Variants in CHRNA5 observed in about 807,000 individuals in gnomAD.
The protein encoded by CHRNA5 is cholinergic receptor nicotinic alpha 5 subunit.
Under a neutral mutation model 41.2 loss-of-function variants are expected in CHRNA5, and 28 were observed. The observed-to-expected ratio is 0.68, with a 90% CI of 0.50 to 0.93. The LOEUF is 0.93. CHRNA5 is among the 40% of genes least tolerant of loss of function. The pLI, the probability that CHRNA5 is intolerant of heterozygous loss-of-function variation, is 0.00. For synonymous variants in CHRNA5, 188 were observed against 205.8 expected (o/e 0.91, Z 0.74); for missense variants, 481 against 581.9 (o/e 0.83, Z 1.78).
chr15:78,565,582 G>T (rs2052738126), exon 1 of CHRNA5: 2 of 225,148 alleles, frequency 8.9e-6, no homozygotes, highest in Non-Finnish European at 1.7e-5. Flanking sequence ...GGGAGCTGTG[G>T]CGCGGAGCGG....
chr15:78,569,255 A>G (rs2052777340), intron 1 of CHRNA5, among the ~76,000 whole-genome samples: 2 of 152,082 alleles, frequency 1.3e-5, no homozygotes, highest in Non-Finnish European at 2.9e-5. Flanking sequence ...TACAAATGAG[A>G]TCTAGCAAGT....
exon 1 of CHRNA5, chr15:78,565,711 C>G (rs1168958709): frequency 4.4e-6 from 5 of 1,137,938 alleles, no homozygotes; most frequent in East Asian, 4.2e-5. Flanking sequence ...CCCGCGCGGG[C>G]GCGGGGCGAT....
At chr15:78,568,627 TCC>T (rs1567049514) in intron 1 of CHRNA5, among the ~76,000 whole-genome samples, 1 of 152,102 alleles carries the variant, frequency 6.6e-6, no homozygotes, top group South Asian at 2.1e-4. Context: ...ATGCTCTCCC[TCC>T]CCTTGCCCCC....
intron 1 of CHRNA5, among the ~76,000 whole-genome samples, chr15:78,571,301 A>G (rs2052802669): frequency 6.6e-6 from 1 of 152,182 alleles, no homozygotes; most frequent in Non-Finnish European, 1.5e-5. Context: ...AGCTAAGAAA[A>G]CAAGCATTAT....
chr15:78,567,327 A>C (rs2052759960), intron 1 of CHRNA5, among the ~76,000 whole-genome samples: 1 of 152,120 alleles, frequency 6.6e-6, no homozygotes, highest in Non-Finnish European at 1.5e-5. Flanking sequence ...TTTGAGGATT[A>C]AATAATGCAT....
intron 1 of CHRNA5, among the ~76,000 whole-genome samples, chr15:78,570,424 ATTTTTTT>A (rs71148540): frequency 2.0e-4 from 13 of 64,172 alleles, no homozygotes; most frequent in East Asian, 8.0e-4. Flanking sequence ...AATCCCGGCT[ATTTTTTT>A]TTTTTTTTTT....
exon 6 of CHRNA5, chr15:78,594,603 G>C (rs1801261859): frequency 6.6e-6 from 1 of 152,284 alleles, no homozygotes; most frequent in African/African-American, 2.4e-5. Flanking sequence ...GCTTGAACCT[G>C]GGAGGTGGAG....
chr15:78,570,253 GTTTA>G (rs1008130403), intron 1 of CHRNA5, among the ~76,000 whole-genome samples: 33 of 151,712 alleles, frequency 2.2e-4, no homozygotes, highest in Admixed American at 9.2e-4. Context: ...TTGTCCTACT[GTTTA>G]TTTATTTATT....
intron 1 of CHRNA5, among the ~76,000 whole-genome samples, chr15:78,575,000 A>T (rs1430674646): frequency 6.6e-6 from 1 of 151,836 alleles, no homozygotes; most frequent in Non-Finnish European, 1.5e-5. Context: ...GAAAGGAAAA[A>T]AATTGTGGCT....
At chr15:78,579,834 C>G (rs2052894378) in intron 1 of CHRNA5, among the ~76,000 whole-genome samples, 1 of 152,176 alleles carries the variant, frequency 6.6e-6, no homozygotes, top group African/African-American at 2.4e-5. Flanking sequence ...CTTCATTTAG[C>G]TTCCAGGACA....
chr15:78,590,224 A>C (rs371342198), exon 5 of CHRNA5: 5 of 1,614,002 alleles, frequency 3.1e-6, no homozygotes, highest in East Asian at 2.2e-5. Context: ...CCTTCAAATG[A>C]AGGTGAAAAG....
intron 2 of CHRNA5, 22 bp from the exon 3 acceptor site, chr15:78,586,619 CTTAT>C: frequency 7.5e-7 from 1 of 1,331,236 alleles, no homozygotes; most frequent in Non-Finnish European, 1.1e-6. Context: ...TGAAATCAAT[CTTAT>C]TTAAATTTTT....
At chr15:78,570,062 T>G (rs755965373) in intron 1 of CHRNA5, among the ~76,000 whole-genome samples, 22 of 149,468 alleles carry the variant, frequency 1.5e-4, no homozygotes, top group Non-Finnish European at 2.7e-4. Context: ...CCTCAGGTGA[T>G]CCGCCTGCCT....
intron 1 of CHRNA5, among the ~76,000 whole-genome samples, chr15:78,573,084 G>A (rs1310399104): frequency 1.3e-5 from 2 of 152,306 alleles, no homozygotes; most frequent in East Asian, 1.9e-4. Flanking sequence ...ACAGTGGTTT[G>A]CAAGAAGGGT....
intron 4 of CHRNA5, chr15:78,589,564 AT>A: frequency 4.9e-6 from 2 of 408,214 alleles, no homozygotes; most frequent in South Asian, 1.2e-4. Flanking sequence ...TTCTGTGAAA[AT>A]TTGTCAGTTC....
At chr15:78,584,860 G>A (rs1187440156) in intron 2 of CHRNA5, among the ~76,000 whole-genome samples, 1 of 152,154 alleles carries the variant, frequency 6.6e-6, no homozygotes, top group Non-Finnish European at 1.5e-5. Flanking sequence ...TAGCAGAGTT[G>A]GTGGCTTTAG....
intron 2 of CHRNA5, among the ~76,000 whole-genome samples, chr15:78,585,791 C>CT (rs752254237): frequency 0.018 from 2,324 of 130,580 alleles, 71 homozygotes; most frequent in Non-Finnish European, 0.026. Context: ...TCTTTTCTTT[C>CT]TTTTTTTTTT....
At chr15:78,571,578 C>CTTTTTT (rs34248937) in intron 1 of CHRNA5, among the ~76,000 whole-genome samples, 2 of 116,618 alleles carry the variant, frequency 1.7e-5, no homozygotes. Context: ...GATGCTCTGC[C>CTTTTTT]TTTTTTTTTT....
chr15:78,580,940 C>G (rs201569403), exon 2 of CHRNA5: 36 of 1,613,690 alleles, frequency 2.2e-5, no homozygotes, highest in Non-Finnish European at 2.9e-5. Flanking sequence ...TTTGGACTTG[C>G]AATATCTCAA....
Sources: allele counts gnomAD v4.1 joint callset (sites outside exome capture counted in the v4.1 genomes callset), GRCh38; gene constraint gnomAD v4.1.1; transcripts MANE v1.5; gene names NCBI Gene and HGNC (gene_info 2026-07-23, HGNC 2026-07-21).